The following SP4 variants were observed in gnomAD, a reference collection of about 807,000 sequenced individuals.
SP4 encodes transcription factor Sp4.
Under a neutral mutation model 72.8 loss-of-function variants are expected in SP4, and 19 were observed. The ratio of observed to expected loss-of-function variants is 0.26; its 90% CI spans 0.18 to 0.38. The LOEUF is 0.38. Ranked by LOEUF, SP4 falls within the 10% of genes least tolerant of loss-of-function variation. The pLI, the probability that SP4 is intolerant of heterozygous loss-of-function variation, is 1.00. For synonymous variants in SP4, 395 were observed against 333.1 expected (o/e 1.19, Z -2.02); for missense variants, 1,008 against 926.3 (o/e 1.09, Z -1.14).
rs751797763 is a variant in SP4 at position 21,498,766 on chromosome 7, C to G, written c.2108-12256C>G. 1.3e-4 allele frequency among the ~76,000 whole-genome samples: 20 copies of G among 152,112 alleles called. 1 individual carries two copies. Among genetic ancestry groups the G allele is most frequent in the Admixed American group, 1.1e-3 (17 of 15,282 alleles). ...TTTTGCATGTTATATGTATAATAAA[C>G]CAGATTCTTAAAGTAAACTAGAGAA... On this transcript the variant is annotated intron_variant, in intron 5 of 5. Coordinates refer to ENST00000222584, the MANE Select transcript of SP4 (RefSeq NM_003112.5).
chr7:21,467,738 C>T (rs1344627067), intron 3 of SP4, among the ~76,000 whole-genome samples: 1 of 152,124 alleles, frequency 6.6e-6, no homozygotes, highest in East Asian at 1.9e-4. Context: ...GGAAGTCAAT[C>T]TAGGTAGGCT....
rs183606184 is a variant in SP4 at position 21,511,577 on chromosome 7, A to G, written c.*308A>G. ...TAATATCATGTGTTAACATGTTTAAAAAGACCTTAGTAGTTTGCAGGCTGG... is the reference window on the plus strand; with the variant it reads ...TAATATCATGTGTTAACATGTTTAAGAAGACCTTAGTAGTTTGCAGGCTGG... On this transcript the variant is annotated 3_prime_UTR_variant, in exon 6 of 6. Transcript: ENST00000222584. 320 of 248,712 alleles carry G rather than the reference A, an allele frequency of 1.3e-3. 2 individuals carry two copies. Among genetic ancestry groups the G allele is most frequent in the Admixed American group, 3.2e-3 (66 of 20,554 alleles). The allele number at this position is 248,712 out of a possible 1,614,324, so 15.4% of individuals were successfully genotyped here. A position where few individuals can be genotyped will look rare whatever the true frequency, so the allele number is the denominator to read the frequency against.
chr7:21,484,162 A>G (rs1008656336), intron 5 of SP4, among the ~76,000 whole-genome samples: 3 of 151,938 alleles, frequency 2.0e-5, no homozygotes, highest in African/African-American at 7.2e-5. Context: ...TAGTAATACA[A>G]ATGAGTACAG....
chr7:21,510,176 C>T (rs1583454145), intron 5 of SP4, among the ~76,000 whole-genome samples: 2 of 152,260 alleles, frequency 1.3e-5, no homozygotes, highest in South Asian at 4.1e-4. Flanking sequence ...CAGAGCCAAA[C>T]CCTATCACTT....
intron 3 of SP4, among the ~76,000 whole-genome samples, chr7:21,455,257 C>G (rs1442749310): frequency 6.6e-6 from 1 of 152,168 alleles, no homozygotes; most frequent in African/African-American, 2.4e-5. Context: ...AGCCTGGCTT[C>G]CCACACCACT....
At chr7:21,507,887 G>A (rs561581588) in intron 5 of SP4, among the ~76,000 whole-genome samples, 1 of 151,978 alleles carries the variant, frequency 6.6e-6, no homozygotes, top group African/African-American at 2.4e-5. Flanking sequence ...TTCTCCTCAC[G>A]GGAGAACGGA....
intron 5 of SP4, among the ~76,000 whole-genome samples, chr7:21,508,245 C>T (rs1782054806): frequency 6.6e-6 from 1 of 152,176 alleles, no homozygotes; most frequent in Non-Finnish European, 1.5e-5. Context: ...TTGTGAGAAA[C>T]ACAGATTCAC....
rs181270263 is a variant in SP4 at position 21,450,516 on chromosome 7, T to C, written c.1678+19673T>C. 4.3e-3 allele frequency among the ~76,000 whole-genome samples: 657 copies of C among 152,268 alleles called. 7 individuals are homozygous for C. The highest frequency in any genetic ancestry group is 7.1e-3 in the Non-Finnish European group (481 of 68,018). ...TTCCACATTTTAAGGAAGAGGGAGA[T>C]GAAGCCTGAGAAGTGGCTTAAAAAT... On this transcript the variant is annotated intron_variant, in intron 3 of 5. Transcript: ENST00000222584.
intron 5 of SP4, among the ~76,000 whole-genome samples, chr7:21,487,628 A>G (rs940744480): frequency 6.6e-6 from 1 of 151,554 alleles, no homozygotes; most frequent in Non-Finnish European, 1.5e-5. Context: ...AAATTATCTC[A>G]GTTTTTTAAT....
chr7:21,436,277 C>G (rs1783049175), intron 3 of SP4, among the ~76,000 whole-genome samples: 1 of 152,038 alleles, frequency 6.6e-6, no homozygotes, highest in Non-Finnish European at 1.5e-5. Context: ...AATATTGGGG[C>G]AGGCATGAAA....
At chr7:21,469,700 C>A (rs919235221) in intron 3 of SP4, among the ~76,000 whole-genome samples, 1 of 151,900 alleles carries the variant, frequency 6.6e-6, no homozygotes, top group Non-Finnish European at 1.5e-5. Flanking sequence ...CGCCACCACA[C>A]CCGGCTAATT....
chr7:21,446,425 A>G (rs1012920762), intron 3 of SP4, among the ~76,000 whole-genome samples: 1 of 152,184 alleles, frequency 6.6e-6, no homozygotes, highest in African/African-American at 2.4e-5. Context: ...TGTGATGAGC[A>G]GAGTGTAACT....
intron 3 of SP4, among the ~76,000 whole-genome samples, chr7:21,473,351 G>C (rs538069350): frequency 1.3e-5 from 2 of 152,120 alleles, no homozygotes; most frequent in East Asian, 1.9e-4. Context: ...ACTGAAACAG[G>C]GACATTAGCA....
intron 3 of SP4, among the ~76,000 whole-genome samples, chr7:21,457,270 A>G (rs1395228269): frequency 6.6e-6 from 1 of 152,180 alleles, no homozygotes; most frequent in African/African-American, 2.4e-5. Context: ...TTGGTCTAGC[A>G]TGAGGCCCTG....
chr7:21,484,172 G>T (rs1194023318), intron 5 of SP4, among the ~76,000 whole-genome samples: 1 of 151,842 alleles, frequency 6.6e-6, no homozygotes, highest in Admixed American at 6.6e-5. Context: ...AATGAGTACA[G>T]ATTGAGTACC....
intron 3 of SP4, among the ~76,000 whole-genome samples, chr7:21,432,597 G>T (rs1782900573): frequency 6.6e-6 from 1 of 152,152 alleles, no homozygotes; most frequent in African/African-American, 2.4e-5. Context: ...AACTTGAATG[G>T]TGCATTAAAA....
chr7:21,482,091 A>T lies in SP4; in HGVS notation c.2075A>T (p.Asp692Val). ...MFCGKRFTRSDELQRHRRTHT... is the reference protein window; with the variant it reads ...MFCGKRFTRSVELQRHRRTHT... ...TGTGGCAAAAGATTCACACGGAGTG[A>T]TGAGCTCCAGAGACATAGAAGAACC... The change falls in exon 5 of 6, where the codon GAT becomes GTT. Residue 692 changes from aspartate to valine, a missense_variant. Physicochemically the swap from Asp to Val is radical, Grantham distance 152. This residue lies in a region of SP4 where 48 missense variants were observed against 117.0 expected (regional missense o/e 0.41). Coordinates refer to ENST00000222584, the MANE Select transcript of SP4 (RefSeq NM_003112.5). 1 of 1,614,086 alleles carries T rather than the reference A, an allele frequency of 6.2e-7. No individual in the cohort carries two copies. The highest frequency in any genetic ancestry group is 8.5e-7 in the Non-Finnish European group (1 of 1,179,926).
At position 21,514,140 on chromosome 7, in the gene SP4, G is replaced by C. The variant is rs1782210883; in HGVS notation, c.*2871G>C. 6.6e-6 allele frequency: 1 copy of C among 152,504 alleles called. No homozygotes were observed. Among genetic ancestry groups the C allele is most frequent in the Admixed American group, 6.5e-5 (1 of 15,270 alleles). The allele number at this position is 152,504 out of a possible 1,614,324, so 9.4% of individuals were successfully genotyped here. On this transcript the variant is annotated 3_prime_UTR_variant, in exon 6 of 6. Transcript: ENST00000222584. ...TTTTTTCTTACAGTATACTTTCTTTGGTTAGGTTTGTGTATGTGTTGCTGA... is the reference window on the plus strand; with the variant it reads ...TTTTTTCTTACAGTATACTTTCTTTCGTTAGGTTTGTGTATGTGTTGCTGA...
At position 21,430,070 on chromosome 7, in the gene SP4, C is replaced by A; in HGVS notation, c.905C>A (p.Ser302Tyr). The part of the protein sequence containing the change: ...SGTSNGNQLV[S>Y]TPTNTTTSAS... ...ACTTCCAATGGGAATCAATTAGTTTCCACACCCACCAACACCACTACTTCT... is the reference window on the plus strand; with the variant it reads ...ACTTCCAATGGGAATCAATTAGTTTACACACCCACCAACACCACTACTTCT... The change falls in exon 3 of 6, where the codon TCC (serine) becomes TAC (tyrosine). Residue 302 changes from serine (S) to tyrosine (Y), a missense_variant. Physicochemically the swap from Ser to Tyr is moderately radical, Grantham distance 144. Coordinates refer to ENST00000222584, the MANE Select transcript of SP4 (RefSeq NM_003112.5). 6.2e-7 allele frequency: 1 copy of A among 1,614,180 alleles called. No individual in the cohort carries two copies. The highest frequency in any genetic ancestry group is 8.5e-7 in the Non-Finnish European group (1 of 1,180,044).
Sources: gnomAD v4.1 joint callset for allele counts (sites outside exome capture counted in the v4.1 genomes callset) on GRCh38, gnomAD v4.1.1 for gene constraint, gnomAD v4.1.1 regional missense constraint, MANE v1.5 for transcripts, NCBI Gene and HGNC (gene_info 2026-07-23, HGNC 2026-07-21) for gene names.